The following PLXNA2 variants were observed in gnomAD, a reference collection of about 807,000 sequenced individuals.
PLXNA2 encodes the protein plexin A2.
Under a neutral mutation model 193.5 loss-of-function variants are expected in PLXNA2, and 91 were observed. That is an observed-to-expected ratio of 0.47 (90% CI 0.40 to 0.56). The LOEUF is 0.56. Ranked by LOEUF, PLXNA2 falls within the 20% of genes least tolerant of loss-of-function variation. The probability of loss-of-function intolerance (pLI) is 0.00; values close to 1 mark genes in which losing one functional copy is unlikely to be tolerated. For missense variants in PLXNA2, 1,995 were observed against 2,503.2 expected (o/e 0.80, Z 4.33); for synonymous variants, 997 against 1,027.3 (o/e 0.97, Z 0.56).
chr1:208,055,239 TCA>T (rs1665391705), intron 13 of PLXNA2, among the ~76,000 whole-genome samples: 1 of 152,126 alleles, frequency 6.6e-6, no homozygotes, highest in African/African-American at 2.4e-5. Flanking sequence ...AAGTCACGTC[TCA>T]CACTAACGGG....
At chr1:208,107,615 G>A (rs1433679610) in intron 4 of PLXNA2, among the ~76,000 whole-genome samples, 1 of 152,212 alleles carries the variant, frequency 6.6e-6, no homozygotes, top group Non-Finnish European at 1.5e-5. Context: ...AAGAAGGAAA[G>A]GGAGCTTTCT....
chr1:208,101,962 C>T (rs921425250), intron 5 of PLXNA2, among the ~76,000 whole-genome samples: 5 of 152,210 alleles, frequency 3.3e-5, no homozygotes, highest in African/African-American at 1.2e-4. Flanking sequence ...AGCCTCACTG[C>T]AGGGAACCAA....
chr1:208,156,189 C>CTATGTTGGAA (rs1668936732), intron 3 of PLXNA2, among the ~76,000 whole-genome samples: 1 of 152,246 alleles, frequency 6.6e-6, no homozygotes, highest in South Asian at 2.1e-4. Context: ...CTGAGATGAC[C>CTATGTTGGAA]TATGTTGGAA....
intron 3 of PLXNA2, among the ~76,000 whole-genome samples, chr1:208,202,453 T>A (rs1315198679): frequency 2.6e-5 from 4 of 152,156 alleles, no homozygotes; most frequent in Non-Finnish European, 5.9e-5. Context: ...AAATTAAAGC[T>A]CAGAGGTCAC....
chr1:208,029,969 C>T, intron 29 of PLXNA2: 2 of 985,496 alleles, frequency 2.0e-6, no homozygotes, highest in African/African-American at 3.5e-5. Flanking sequence ...ATGATGTTCC[C>T]AGCTCCCCAG....
chr1:208,216,772 T>C lies in PLXNA2; in HGVS notation c.1151A>G (p.Asn384Ser). Residue 384 changes from asparagine to serine, a missense_variant, in exon 2 of 32, where the codon AAC (asparagine) becomes AGC (serine). Physicochemically the swap from Asn to Ser is conservative, Grantham distance 46. Coordinates refer to ENST00000367033, the MANE Select transcript of PLXNA2 (RefSeq NM_025179.4). ...CTGGACGTCCTTCCCCAGCAGCCAG[T>C]TGAGCTCCAGGTTGCCCTCGCCCTG... ...CYQGEGNLEL[N>S]WLLGKDVQCT... 1.2e-6 allele frequency: 2 copies of C among 1,613,930 alleles called. No individual in the cohort carries two copies. The highest frequency in any genetic ancestry group is 1.7e-6 in the Non-Finnish European group (2 of 1,180,006).
At chr1:208,081,244 G>C (rs182135553) in intron 11 of PLXNA2, among the ~76,000 whole-genome samples, 1 of 152,310 alleles carries the variant, frequency 6.6e-6, no homozygotes, top group East Asian at 1.9e-4. Context: ...TAATCCTCCT[G>C]GCTCCGTTCC....
chr1:208,104,039 A>G (rs1204704180), intron 4 of PLXNA2, among the ~76,000 whole-genome samples: 1 of 152,204 alleles, frequency 6.6e-6, no homozygotes, highest in Non-Finnish European at 1.5e-5. Flanking sequence ...CAAGGGGGCC[A>G]GAGGACTGAA....
At chr1:208,195,595 C>T (rs1437370437) in intron 3 of PLXNA2, among the ~76,000 whole-genome samples, 1 of 144,412 alleles carries the variant, frequency 6.9e-6, no homozygotes, top group Non-Finnish European at 1.5e-5. Flanking sequence ...ATTCAGGCAT[C>T]TGCCATTCTG....
intron 4 of PLXNA2, among the ~76,000 whole-genome samples, chr1:208,115,789 T>A (rs961370936): frequency 6.6e-6 from 1 of 152,134 alleles, no homozygotes; most frequent in African/African-American, 2.4e-5. Context: ...TGAGACATGG[T>A]AAAAGCTATA....
intron 3 of PLXNA2, among the ~76,000 whole-genome samples, chr1:208,180,064 C>G (rs956346429): frequency 5.9e-5 from 9 of 152,292 alleles, no homozygotes; most frequent in African/African-American, 2.2e-4. Context: ...AGGAAATTAG[C>G]ACAAGGCCCC....
At chr1:208,040,614 T>C (rs544783143) in intron 22 of PLXNA2, among the ~76,000 whole-genome samples, 1 of 152,358 alleles carries the variant, frequency 6.6e-6, no homozygotes, top group East Asian at 1.9e-4. Context: ...CTGGTTTCAG[T>C]ATTCCTATCA....
chr1:208,142,820 C>T (rs1478913039), intron 3 of PLXNA2, among the ~76,000 whole-genome samples: 1 of 152,204 alleles, frequency 6.6e-6, no homozygotes, highest in African/African-American at 2.4e-5. Flanking sequence ...TATGCACACT[C>T]CTTCATGGTG....
At chr1:208,138,291 A>C (rs1256708356) in intron 4 of PLXNA2, among the ~76,000 whole-genome samples, 1 of 152,212 alleles carries the variant, frequency 6.6e-6, no homozygotes, top group Non-Finnish European at 1.5e-5. Context: ...TCAACACTTA[A>C]TTATAAAGTT....
At position 208,115,618 on chromosome 1, in the gene PLXNA2, T is replaced by C. The variant is rs549012823; in HGVS notation, c.1507-12371A>G. On this transcript the variant is annotated intron_variant, in intron 4 of 31. Transcript: ENST00000367033. ...AGCCCTGTACCTTGCTGATAGCTGA[T>C]AGTTATTATTAATAAATATGTATTA... Among the ~76,000 whole-genome samples the C allele has an allele frequency of 4.4e-4, 67 of 152,322 alleles. 1 individual carries two copies. Among genetic ancestry groups the C allele is most frequent in the African/African-American group, 1.6e-3 (66 of 41,570 alleles).
intron 13 of PLXNA2, among the ~76,000 whole-genome samples, chr1:208,059,574 A>G (rs1260483157): frequency 1.3e-5 from 2 of 152,176 alleles, no homozygotes; most frequent in South Asian, 4.1e-4. Flanking sequence ...GTCGTGCCCC[A>G]TCACTGTTAT....
chr1:208,095,117 C>A (rs974639812), intron 8 of PLXNA2, among the ~76,000 whole-genome samples: 2 of 152,154 alleles, frequency 1.3e-5, no homozygotes, highest in Admixed American at 6.5e-5. Flanking sequence ...GTTGATTGAC[C>A]TCTCCCCTTG....
intron 3 of PLXNA2, chr1:208,209,918 A>G (rs1403277445): frequency 8.5e-6 from 2 of 234,660 alleles, no homozygotes. Context: ...GGGATTTGCG[A>G]TTTTGGAGAT....
intron 1 of PLXNA2, among the ~76,000 whole-genome samples, chr1:208,240,611 G>A (rs1672015678): frequency 6.6e-6 from 1 of 152,036 alleles, no homozygotes; most frequent in South Asian, 2.1e-4. Context: ...GGGCGGTGGT[G>A]ATTGGGGCTG....
Sources: gnomAD v4.1 joint callset for allele counts (sites outside exome capture counted in the v4.1 genomes callset) on GRCh38, gnomAD v4.1.1 for gene constraint, MANE v1.5 for transcripts, NCBI Gene and HGNC (gene_info 2026-07-23, HGNC 2026-07-21) for gene names.